The following PRLR variants were observed in gnomAD, a reference collection of about 807,000 sequenced individuals.
PRLR encodes hPRL receptor.
A neutral mutation model predicts 40.2 loss-of-function variants in PRLR; 13 were observed. That is an observed-to-expected ratio of 0.32 (90% confidence interval 0.21 to 0.51). The LOEUF (loss-of-function observed/expected upper bound fraction) is 0.51. Ranked by LOEUF, PRLR falls within the 20% of genes least tolerant of loss-of-function variation. The probability of loss-of-function intolerance (pLI) is 0.97; values close to 1 mark genes in which losing one functional copy is unlikely to be tolerated. For missense variants in PRLR, 656 were observed against 747.3 expected (o/e 0.88, Z 1.42); for synonymous variants, 269 against 278.7 (o/e 0.97, Z 0.35).
intron 2 of PRLR, among the ~76,000 whole-genome samples, chr5:35,091,046 T>C (rs1432521283): frequency 6.6e-6 from 1 of 151,916 alleles, no homozygotes; most frequent in Non-Finnish European, 1.5e-5. Flanking sequence ...TCTCCTGAAC[T>C]CGTGATCCAC....
chr5:35,109,089 C>G (rs974198096), intron 2 of PRLR, among the ~76,000 whole-genome samples: 1 of 152,138 alleles, frequency 6.6e-6, no homozygotes, highest in African/African-American at 2.4e-5. Flanking sequence ...TGATCTTTGA[C>G]AAACCTGACA....
chr5:35,160,691 C>T (rs1038081681), intron 1 of PRLR, among the ~76,000 whole-genome samples: 3 of 152,176 alleles, frequency 2.0e-5, no homozygotes, highest in Non-Finnish European at 4.4e-5. Context: ...TTTTGCATGT[C>T]TGACATGGTT....
At chr5:35,086,883 A>T (rs982877502) in intron 3 of PRLR, among the ~76,000 whole-genome samples, 8 of 152,062 alleles carry the variant, frequency 5.3e-5, no homozygotes, top group Non-Finnish European at 1.2e-4. Context: ...CAATGAACTC[A>T]ACTTGTTCCT....
At chr5:35,188,995 G>A (rs1775523520) in intron 1 of PRLR, among the ~76,000 whole-genome samples, 1 of 152,168 alleles carries the variant, frequency 6.6e-6, no homozygotes, top group South Asian at 2.1e-4. Context: ...TAGGGTTATT[G>A]CAGATATAAT....
intron 1 of PRLR, among the ~76,000 whole-genome samples, chr5:35,174,087 GT>G (rs58461577): frequency 0.21 from 28,600 of 137,062 alleles, 2,627 homozygotes; most frequent in African/African-American, 0.31. Flanking sequence ...TGGGTGTTCG[GT>G]TTTTTTTTTT....
intron 1 of PRLR, among the ~76,000 whole-genome samples, chr5:35,155,094 G>A (rs1774449803): frequency 7.5e-6 from 1 of 132,788 alleles, no homozygotes; most frequent in East Asian, 1.9e-4. Context: ...CACGGCACAT[G>A]TTTACCTGTG....
Position 35,072,653 on chromosome 5 carries a change from G to C in PRLR, c.465C>G (p.Thr155=), listed in dbSNP as rs1435228373. 1 of 1,614,114 alleles carries C rather than the reference G, an allele frequency of 6.2e-7. No homozygotes were observed. The highest frequency in any genetic ancestry group is 1.7e-5 in the Admixed American group (1 of 60,014). Residue 155 remains threonine (T), a synonymous_variant, in exon 6 of 10, where the codon ACC becomes ACG. Coordinates refer to ENST00000618457, the MANE Select transcript of PRLR (RefSeq NM_000949.7). ...ACCAACCAGTTTTTAAGTCAATCAG[G>C]GTAGGTGGAGACCATTTAATCCACA... is the stretch of plus-strand genomic sequence containing the variant. ...PYLWIKWSPP[T]LIDLKTGWFT... is the part of the protein sequence containing the mutation.
chr5:35,087,253 C>G (rs370113078), intron 3 of PRLR, among the ~76,000 whole-genome samples: 3 of 152,102 alleles, frequency 2.0e-5, no homozygotes, highest in Admixed American at 6.6e-5. Context: ...GCCTCCCAAA[C>G]TGCTGGGATT....
At chr5:35,100,171 G>A (rs1474707732) in intron 2 of PRLR, among the ~76,000 whole-genome samples, 5 of 141,108 alleles carry the variant, frequency 3.5e-5, no homozygotes, top group South Asian at 2.2e-4. Flanking sequence ...GCGACAGGGC[G>A]AGACTCTGTC....
intron 1 of PRLR, among the ~76,000 whole-genome samples, chr5:35,165,650 T>C (rs1253675496): frequency 3.3e-5 from 5 of 152,222 alleles, no homozygotes; most frequent in African/African-American, 1.2e-4. Context: ...CGGGCTTATT[T>C]ACAGTAGTAC....
At chr5:35,226,214 T>C (rs1561374555) in intron 1 of PRLR, among the ~76,000 whole-genome samples, 1 of 152,240 alleles carries the variant, frequency 6.6e-6, no homozygotes, top group Non-Finnish European at 1.5e-5. Flanking sequence ...ATATTCTCCT[T>C]CTATCGGCTT....
chr5:35,170,208 C>T (rs1229221548), intron 1 of PRLR, among the ~76,000 whole-genome samples: 1 of 152,126 alleles, frequency 6.6e-6, no homozygotes, highest in Non-Finnish European at 1.5e-5. Context: ...CGTGTGTACA[C>T]TGTGCATTTT....
At chr5:35,075,065 G>A (rs554771923) in intron 5 of PRLR, among the ~76,000 whole-genome samples, 60 of 152,288 alleles carry the variant, frequency 3.9e-4, no homozygotes, top group African/African-American at 1.2e-3. Context: ...TTTGCCATCC[G>A]TGGTCTGGTT....
At chr5:35,148,330 T>C (rs914093622) in intron 1 of PRLR, among the ~76,000 whole-genome samples, 2 of 152,274 alleles carry the variant, frequency 1.3e-5, no homozygotes, top group East Asian at 1.9e-4. Context: ...TTTTTGAGAA[T>C]TGGTGATTTT....
In PRLR at chr5:35,065,878, C is replaced by A; in HGVS notation, c.1080G>T (p.Leu360Phe). 6.2e-7 allele frequency: 1 copy of A among 1,614,098 alleles called. No homozygotes were observed. Among genetic ancestry groups the A allele is most frequent in the Non-Finnish European group, 8.5e-7 (1 of 1,180,018 alleles). ...GRGSCDSPSL[L>F]SEKCEEPQAN... is the part of the protein sequence containing the mutation. Reference sequence around the variant, plus strand: ...CCTGGGGTTCCTCACACTTTTCAGACAAAAGGGAAGGGCTGTCACAGCTCC... The same window carrying A: ...CCTGGGGTTCCTCACACTTTTCAGAAAAAAGGGAAGGGCTGTCACAGCTCC... Residue 360 changes from leucine to phenylalanine, a missense_variant, in exon 10 of 10, where the codon TTG becomes TTT. This residue lies in a region of PRLR where 469 missense variants were observed against 491.5 expected (regional missense o/e 0.95). Transcript: ENST00000618457.
rs146144995 is a variant in PRLR, at chr5:35,104,836, T to G, written c.-44+13225A>C. Among the ~76,000 whole-genome samples, 15 of 152,348 alleles carry G rather than the reference T, an allele frequency of 9.8e-5. No individual in the cohort carries two copies. In the East Asian group the frequency reaches 2.9e-3, roughly 29 times the overall value. ...AAAGGCAGCAGAAACTTCTGCAGAC[T>G]TAAATGTACCTGTCTGACAGCTTTG... is the stretch of plus-strand genomic sequence containing the variant. On this transcript the variant is annotated intron_variant, in intron 2 of 9. Transcript: ENST00000618457.
At chr5:35,131,419 G>T (rs988538475) in intron 1 of PRLR, among the ~76,000 whole-genome samples, 1 of 152,172 alleles carries the variant, frequency 6.6e-6, no homozygotes, top group Admixed American at 6.5e-5. Context: ...AGGGTCTAGT[G>T]GTGGCGGGCT....
intron 1 of PRLR, among the ~76,000 whole-genome samples, chr5:35,164,154 G>T (rs1039949304): frequency 6.6e-6 from 1 of 152,116 alleles, no homozygotes; most frequent in African/African-American, 2.4e-5. Context: ...ACGTCTCCTT[G>T]GCCACTTGCC....
chr5:35,103,291 A>G (rs1772014268), intron 2 of PRLR, among the ~76,000 whole-genome samples: 1 of 152,208 alleles, frequency 6.6e-6, no homozygotes, highest in East Asian at 1.9e-4. Flanking sequence ...GCTATTGTCA[A>G]TTATAAAAGG....
Sources: gnomAD v4.1 joint callset for allele counts (sites outside exome capture counted in the v4.1 genomes callset) on GRCh38, gnomAD v4.1.1 for gene constraint, gnomAD v4.1.1 regional missense constraint, MANE v1.5 for transcripts, NCBI Gene and HGNC (gene_info 2026-07-23, HGNC 2026-07-21) for gene names.